The following KCNA6 variants were observed in gnomAD, a reference collection of about 807,000 sequenced individuals.
The protein encoded by KCNA6 is human brain potassium channel-2.
In KCNA6, 17 loss-of-function variants were observed where a neutral mutation model predicts 29.5. That is an observed-to-expected ratio of 0.58 (90% CI 0.39 to 0.86). KCNA6 has a LOEUF of 0.86. Among genes scored for constraint, KCNA6 ranks in the 40% least tolerant of loss-of-function variants. KCNA6 has a pLI of 0.00. For synonymous variants in KCNA6, 296 were observed against 304.7 expected, an observed-to-expected ratio of 0.97 and a Z score of 0.30; for missense variants, 450 against 703.4, an observed-to-expected ratio of 0.64 and a Z score of 4.07.
In KCNA6 at chr12:4,811,735, C is replaced by G. The variant is rs1946634065; in HGVS notation, c.*104C>G. On this transcript the variant is annotated 3_prime_UTR_variant, in exon 1 of 1. Coordinates refer to ENST00000280684, the Ensembl canonical transcript of KCNA6. This position sits in a 1 kb window ranked among gnomAD's most constrained non-coding sequence, Gnocchi z 7.1. ...TCTAGCTTCAGTTGACTTCTTGACT[C>G]TCTCCCCTACACCCACTACCTGGCA... 7.4e-7 allele frequency: 1 copy of G among 1,347,060 alleles called. No homozygotes were observed. Among genetic ancestry groups the G allele is most frequent in the East Asian group, 2.3e-5 (1 of 43,328 alleles). The allele number at this position is 1,347,060 out of a possible 1,614,324, so 83.4% of individuals were successfully genotyped here.
chr12:4,810,605 A>G lies in KCNA6; in HGVS notation c.564A>G (p.Ile188Met), dbSNP rs146938420. The G allele has an allele frequency of 7.4e-6, 12 of 1,613,944 alleles. No individual in the cohort carries two copies. The East Asian group carries it at 1.6e-4, about 21-fold the overall frequency. The change falls in exon 1 of 1, where the codon ATA becomes ATG. Residue 188 changes from isoleucine to methionine, a missense_variant. This residue lies in a region of KCNA6 where 133 missense variants were observed against 217.5 expected (regional missense o/e 0.61). Transcript: ENST00000280684. This position sits in a 1 kb window ranked among gnomAD's most constrained non-coding sequence, Gnocchi z 7.5. ...CCGTGTTGGTCATTCTCATCTCCAT[A>G]GTCATCTTTTGCCTGGAGACCTTAC...
the KCNA6 span, among the ~76,000 whole-genome samples, chr12:4,827,624 A>G: frequency 1.3e-5 from 2 of 152,228 alleles, no homozygotes; most frequent in Admixed American, 1.3e-4. Context: ...TCTGGGAGAC[A>G]GCAGTGAGCA....
chr12:4,817,262 G>A (rs1221246395), downstream of KCNA6, among the ~76,000 whole-genome samples: 3 of 152,340 alleles, frequency 2.0e-5, no homozygotes, highest in East Asian at 5.8e-4. Flanking sequence ...TGCACAGATA[G>A]CTCATGGCAG....
chr12:4,835,254 C>T, the KCNA6 span, among the ~76,000 whole-genome samples: 7 of 151,712 alleles, frequency 4.6e-5, no homozygotes, highest in African/African-American at 1.7e-4. Flanking sequence ...CCTGCCTCAG[C>T]CTCCCGAGTA....
chr12:4,826,193 C>T, the KCNA6 span, among the ~76,000 whole-genome samples: 1 of 152,182 alleles, frequency 6.6e-6, no homozygotes, highest in Non-Finnish European at 1.5e-5. Flanking sequence ...ATTTCAGTCT[C>T]CTGGAAAGCT....
At chr12:4,832,722 C>T in the KCNA6 span, among the ~76,000 whole-genome samples, 1 of 152,164 alleles carries the variant, frequency 6.6e-6, no homozygotes, top group African/African-American at 2.4e-5. Context: ...AGGGTCCTGC[C>T]TCTCTCAACC....
At chr12:4,821,417 G>GGT in the KCNA6 span, among the ~76,000 whole-genome samples, 2 of 105,266 alleles carry the variant, frequency 1.9e-5, no homozygotes, top group African/African-American at 3.9e-5. Context: ...TACTCACTTG[G>GGT]ATGTGTGTGT....
the KCNA6 span, chr12:4,839,168 A>T: frequency 6.6e-6 from 1 of 152,196 alleles, no homozygotes; most frequent in Non-Finnish European, 1.5e-5. Context: ...TAATCTTAAT[A>T]AATTGAATGT....
the KCNA6 span, among the ~76,000 whole-genome samples, chr12:4,825,214 T>A: frequency 2.0e-5 from 3 of 151,382 alleles, no homozygotes; most frequent in Non-Finnish European, 2.9e-5. Context: ...GAATAACTCA[T>A]GCCAGAGTTC....
At chr12:4,825,588 G>C in the KCNA6 span, among the ~76,000 whole-genome samples, 1 of 152,140 alleles carries the variant, frequency 6.6e-6, no homozygotes, top group East Asian at 1.9e-4. Flanking sequence ...TTTTCAGTTG[G>C]ACCATTCTGT....
chr12:4,832,162 A>C, the KCNA6 span, among the ~76,000 whole-genome samples: 9 of 152,102 alleles, frequency 5.9e-5, no homozygotes, highest in Non-Finnish European at 1.0e-4. Context: ...TCAGACCCCG[A>C]GAGCCTGGGT....
downstream of KCNA6, among the ~76,000 whole-genome samples, chr12:4,815,290 CT>C (rs1269889801): frequency 6.6e-6 from 1 of 152,216 alleles, no homozygotes; most frequent in Non-Finnish European, 1.5e-5. Context: ...GAGTATTCCA[CT>C]TTTTCCTGAC....
chr12:4,835,230 G>A, the KCNA6 span, among the ~76,000 whole-genome samples: 1 of 150,722 alleles, frequency 6.6e-6, no homozygotes, highest in Non-Finnish European at 1.5e-5. Context: ...TGCCTCCCGG[G>A]TTCACACCAT....
chr12:4,823,481 T>C, the KCNA6 span, among the ~76,000 whole-genome samples: 38,047 of 151,692 alleles, frequency 0.25, 4,864 homozygotes, highest in South Asian at 0.38. Flanking sequence ...AAAACGGGAA[T>C]TCCGGCTGGG....
the KCNA6 span, among the ~76,000 whole-genome samples, chr12:4,845,435 G>A: frequency 6.6e-6 from 1 of 152,122 alleles, no homozygotes; most frequent in Non-Finnish European, 1.5e-5. Flanking sequence ...GTGAACTTCT[G>A]TCCCTCTGCA....
At chr12:4,821,514 C>A in the KCNA6 span, among the ~76,000 whole-genome samples, 5 of 151,586 alleles carry the variant, frequency 3.3e-5, no homozygotes, top group African/African-American at 1.2e-4. Flanking sequence ...GTTTTACATG[C>A]CTCCAGCAAT....
At position 4,810,313 on chromosome 12, in the gene KCNA6, C is replaced by A; in HGVS notation, c.272C>A (p.Pro91His). 1 of 1,614,132 alleles carries A rather than the reference C, an allele frequency of 6.2e-7. No homozygotes were observed. Among genetic ancestry groups the A allele is most frequent in the Non-Finnish European group, 8.5e-7 (1 of 1,180,036 alleles). Residue 91 changes from proline to histidine, a missense_variant, in exon 1 of 1, where the codon CCC (proline) becomes CAC (histidine). By Grantham distance (77) the Pro-to-His change is moderately conservative. Around this residue, in one of 7 missense-constraint regions of KCNA6, gnomAD observed 133 missense variants for 217.5 expected, o/e 0.61. Coordinates refer to ENST00000280684, the Ensembl canonical transcript of KCNA6. This position sits in a 1 kb window ranked among gnomAD's most constrained non-coding sequence, Gnocchi z 7.5. ...GAGTACTTCTTCGACCGCAACCGGC[C>A]CAGCTTCGACGCCATCCTCTACTAC...
chr12:4,843,020 T>A, the KCNA6 span, among the ~76,000 whole-genome samples: 135 of 152,064 alleles, frequency 8.9e-4, no homozygotes, highest in African/African-American at 3.3e-3. Flanking sequence ...TACTTGGGAA[T>A]CAATTGGAGG....
chr12:4,826,654 T>C, the KCNA6 span, among the ~76,000 whole-genome samples: 1 of 152,222 alleles, frequency 6.6e-6, no homozygotes. Flanking sequence ...TAAAGTGAGG[T>C]CATTGGATTC....
Sources: gnomAD v4.1 joint callset for allele counts (sites outside exome capture counted in the v4.1 genomes callset) on GRCh38, gnomAD v4.1.1 for gene constraint, gnomAD v4.1.1 regional missense constraint, Gnocchi (gnomAD v3.1) non-coding constraint, MANE v1.5 for transcripts, NCBI Gene and HGNC (gene_info 2026-07-23, HGNC 2026-07-21) for gene names.